PRKCD: variants seen among roughly 807,000 people sequenced by gnomAD.
PRKCD encodes the protein protein kinase C delta.
In PRKCD, 20 loss-of-function variants were observed where a neutral mutation model predicts 82.2. That is an observed-to-expected ratio of 0.24 (90% CI 0.17 to 0.35). PRKCD has a LOEUF of 0.35. Ranked by LOEUF, PRKCD falls within the 10% of genes least tolerant of loss-of-function variation. PRKCD has a pLI of 1.00. For missense variants in PRKCD, 607 were observed against 899.0 expected, an observed-to-expected ratio of 0.68 and a Z score of 4.15; for synonymous variants, 317 against 337.0, an observed-to-expected ratio of 0.94 and a Z score of 0.65.
At chr3:53,180,521 T>C (rs1457709016) in intron 4 of PRKCD, among the ~76,000 whole-genome samples, 1 of 152,222 alleles carries the variant, frequency 6.6e-6, no homozygotes, top group Non-Finnish European at 1.5e-5. Flanking sequence ...GTAACCAAGA[T>C]GTCTCCACCA....
intron 2 of PRKCD, among the ~76,000 whole-genome samples, chr3:53,177,228 G>T (rs1703242666): frequency 6.6e-6 from 1 of 152,154 alleles, no homozygotes; most frequent in African/African-American, 2.4e-5. Context: ...GGCCTCAAGC[G>T]ATCCTCTTAC....
intron 2 of PRKCD, among the ~76,000 whole-genome samples, chr3:53,168,746 G>A (rs1368216943): frequency 6.6e-6 from 1 of 151,666 alleles, no homozygotes; most frequent in Admixed American, 6.6e-5. Context: ...TGGCTGCTTC[G>A]GGAACTGAAA....
Position 53,187,362 on chromosome 3 carries a change from T to C in PRKCD, c.1375T>C (p.Cys459Arg), listed in dbSNP as rs781934889. 6.2e-7 allele frequency: 1 copy of C among 1,614,074 alleles called. No homozygotes were observed. ...RATFYAAEIM[C>R]GLQFLHSKGI... is the part of the protein sequence containing the mutation. ...CAGGTTTTATGCCGCTGAGATAATG[T>C]GTGGACTGCAGTTTCTACACAGCAA... The change falls in exon 15 of 19, where the codon TGT becomes CGT. Residue 459 changes from cysteine (C) to arginine (R), a missense_variant. Coordinates refer to ENST00000330452, the MANE Select transcript of PRKCD (RefSeq NM_006254.4).
chr3:53,181,216 C>T lies in PRKCD; in HGVS notation c.325C>T (p.Gln109Ter). 6.2e-7 allele frequency: 1 copy of T among 1,613,732 alleles called. No individual in the cohort carries two copies. Among genetic ancestry groups the T allele is most frequent in the Non-Finnish European group, 8.5e-7 (1 of 1,179,808 alleles). Reference sequence around the variant, plus strand: ...CTCTGGCCCCCAACAGCTGGACCTGCAGCCTCAGGCCAAGGTGTTGATGTC... The same window carrying T: ...CTCTGGCCCCCAACAGCTGGACCTGTAGCCTCAGGCCAAGGTGTTGATGTC... ...NGKAEFWLDL[Q>*]PQAKVLMSVQ... Residue 109 changes from glutamine (Q) to a stop codon, truncating the protein, a stop_gained, in exon 5 of 19, where the codon CAG (glutamine) becomes TAG (stop). Transcript: ENST00000330452. LOFTEE classifies it high-confidence loss of function.
At chr3:53,182,800 G>T (rs1339191110) in intron 7 of PRKCD, among the ~76,000 whole-genome samples, 1 of 152,172 alleles carries the variant, frequency 6.6e-6, no homozygotes. Flanking sequence ...CTATCCCAGG[G>T]CTTGGAAGAA....
At chr3:53,180,945 C>G (rs1703414643) in intron 4 of PRKCD, among the ~76,000 whole-genome samples, 1 of 152,070 alleles carries the variant, frequency 6.6e-6, no homozygotes, top group Admixed American at 6.5e-5. Flanking sequence ...GCTCTATTCC[C>G]CAGCTATGTG....
rs1559632255 is a variant in PRKCD, at chr3:53,189,255, C to T, written c.1743+9C>T. On this transcript the variant is annotated intron_variant, in intron 17 of 18. Transcript: ENST00000330452. ...AGGACATCCTGGAGAAGGTGGAGGC[C>T]CTGGGCTGGGCTGGGCTGGTCTGGG... is the stretch of plus-strand genomic sequence containing the variant. 6 of 1,565,936 alleles carry T rather than the reference C, an allele frequency of 3.8e-6. No homozygotes were observed. The South Asian group carries it at 4.6e-5, about 12-fold the overall frequency.
intron 2 of PRKCD, among the ~76,000 whole-genome samples, chr3:53,167,800 G>A (rs1307029272): frequency 6.6e-6 from 1 of 152,204 alleles, no homozygotes; most frequent in Non-Finnish European, 1.5e-5. Flanking sequence ...CCAGGTGGCT[G>A]TGGAGCCTGG....
Position 53,181,234 on chromosome 3 carries a change from T to C in PRKCD, c.343T>C (p.Leu115=). ...WLDLQPQAKV[L]MSVQYFLEDV... ...GGACCTGCAGCCTCAGGCCAAGGTGTTGATGTCTGTTCAGTATTTCCTGGA... is the reference window on the plus strand; with the variant it reads ...GGACCTGCAGCCTCAGGCCAAGGTGCTGATGTCTGTTCAGTATTTCCTGGA... The change falls in exon 5 of 19, where the codon TTG becomes CTG. Residue 115 remains leucine, a synonymous_variant. Transcript: ENST00000330452. 6.2e-7 allele frequency: 1 copy of C among 1,613,938 alleles called. No homozygotes were observed. Among genetic ancestry groups the C allele is most frequent in the Non-Finnish European group, 8.5e-7 (1 of 1,179,904 alleles).
intron 2 of PRKCD, among the ~76,000 whole-genome samples, chr3:53,176,760 G>A (rs900940165): frequency 1.2e-4 from 19 of 152,368 alleles, no homozygotes; most frequent in African/African-American, 4.1e-4. Context: ...AGTGTGGGAG[G>A]CTGCTGTGTA....
chr3:53,180,965 G>A (rs1703415451), intron 4 of PRKCD, among the ~76,000 whole-genome samples: 6 of 152,032 alleles, frequency 3.9e-5, no homozygotes, highest in Admixed American at 3.9e-4. Context: ...GTCTGGGCTG[G>A]GTGTGGGCTG....
intron 7 of PRKCD, chr3:53,181,973 A>G (rs782525517): frequency 1.0e-5 from 7 of 693,556 alleles, no homozygotes; most frequent in South Asian, 4.5e-5. Context: ...GTGGATGGCA[A>G]TTGGGCACAG....
At chr3:53,185,192 C>A (rs1703627442) in intron 10 of PRKCD, among the ~76,000 whole-genome samples, 1 of 152,126 alleles carries the variant, frequency 6.6e-6, no homozygotes, top group Non-Finnish European at 1.5e-5. Context: ...GAGGGTGAAC[C>A]TGGGGACCAC....
At chr3:53,184,372 A>G (rs1245951055) in intron 9 of PRKCD, among the ~76,000 whole-genome samples, 5 of 145,712 alleles carry the variant, frequency 3.4e-5, no homozygotes, top group African/African-American at 1.3e-4. Flanking sequence ...AACAACAAAA[A>G]TCATGAAAGA....
intron 14 of PRKCD, 62 bp from the exon 15 acceptor site, chr3:53,187,278 G>A (rs1027427947): frequency 1.6e-5 from 25 of 1,589,454 alleles, no homozygotes; most frequent in Admixed American, 1.2e-4. Context: ...TTGAGGGCCC[G>A]AGGAGAAGCA....
chr3:53,170,937 C>CTGTGTGTG (rs3075732), intron 2 of PRKCD, among the ~76,000 whole-genome samples: 7 of 149,398 alleles, frequency 4.7e-5, no homozygotes, highest in Non-Finnish European at 8.9e-5. Flanking sequence ...ATGTGTGTTT[C>CTGTGTGTG]TGTGTGTGTG....
intron 18 of PRKCD, among the ~76,000 whole-genome samples, chr3:53,190,268 TC>T (rs1407696780): frequency 6.6e-6 from 1 of 152,168 alleles, no homozygotes; most frequent in Admixed American, 6.5e-5. Context: ...CTCCATTCAA[TC>T]CATTTTCCAA....
rs1252493901 is a variant in PRKCD, at chr3:53,192,491, T to C, written c.*225T>C. The C allele has an allele frequency of 8.8e-6, 4 of 452,234 alleles. No homozygotes were observed. In the Admixed American group the frequency reaches 1.1e-4, roughly 12 times the overall value. The allele number at this position is 452,234 out of a possible 1,614,324, so 28.0% of individuals were successfully genotyped here. Reference sequence around the variant, plus strand: ...GGGAAATTGTAAATCCTGTGTTTCATTACTTGAATGTAGTTATCTATTGAA... The same window carrying C: ...GGGAAATTGTAAATCCTGTGTTTCACTACTTGAATGTAGTTATCTATTGAA... On this transcript the variant is annotated 3_prime_UTR_variant, in exon 19 of 19. Coordinates refer to ENST00000330452, the MANE Select transcript of PRKCD (RefSeq NM_006254.4).
chr3:53,179,833 C>T, intron 4 of PRKCD, 57 bp downstream of exon 4: 2 of 1,514,514 alleles, frequency 1.3e-6, no homozygotes, highest in Non-Finnish European at 8.9e-7. Context: ...TGTGTGTGTG[C>T]ATGCGTGCAT....
Sources: gnomAD v4.1 joint callset for allele counts (sites outside exome capture counted in the v4.1 genomes callset) on GRCh38, gnomAD v4.1.1 for gene constraint, MANE v1.5 for transcripts, NCBI Gene and HGNC (gene_info 2026-07-23, HGNC 2026-07-21) for gene names.